C5orf22: variants seen among roughly 807,000 people sequenced by gnomAD.
C5orf22 encodes UPF0489 protein C5orf22.
Under a neutral mutation model 48.7 loss-of-function variants are expected in C5orf22, and 36 were observed. That is an observed-to-expected ratio of 0.74 (90% CI 0.57 to 0.98). C5orf22 has a LOEUF of 0.98. Ranked by LOEUF, C5orf22 falls within the 50% of genes least tolerant of loss-of-function variation. The pLI is 0.00. For synonymous variants in C5orf22, 141 were observed against 180.8 expected, an observed-to-expected ratio of 0.78 and a Z score of 1.76; for missense variants, 486 against 521.9, an observed-to-expected ratio of 0.93 and a Z score of 0.67.
At chr5:31,550,171 C>T (rs1743163151) in intron 7 of C5orf22, among the ~76,000 whole-genome samples, 1 of 152,118 alleles carries the variant, frequency 6.6e-6, no homozygotes, top group African/African-American at 2.4e-5. Flanking sequence ...GATGTGTATC[C>T]AAAGCCTCCA....
chr5:31,533,096 A>G (rs571910138), intron 1 of C5orf22, among the ~76,000 whole-genome samples: 4 of 152,128 alleles, frequency 2.6e-5, no homozygotes, highest in Admixed American at 2.6e-4. Context: ...CTGGGATCAC[A>G]GGCACGCATC....
intron 7 of C5orf22, among the ~76,000 whole-genome samples, chr5:31,548,297 T>C (rs1004629011): frequency 2.0e-5 from 3 of 151,386 alleles, no homozygotes; most frequent in Non-Finnish European, 4.4e-5. Flanking sequence ...CGAGACTCCA[T>C]TTCAAAAAAA....
chr5:31,554,798 C>T lies in C5orf22; in HGVS notation c.*1896C>T, dbSNP rs1743497048. On this transcript the variant is annotated 3_prime_UTR_variant, in exon 9 of 9. Coordinates refer to ENST00000325366, the MANE Select transcript of C5orf22 (RefSeq NM_018356.3). The stretch of plus-strand genomic sequence containing the variant: ...TTAACTCAGGTTGAATAAAAGCATC[C>T]ATTTCTTTTATAGGAAGGTTTGTTT... 1.3e-5 allele frequency: 2 copies of T among 152,108 alleles called. No individual in the cohort carries two copies. Among genetic ancestry groups the T allele is most frequent in the Admixed American group, 1.3e-4 (2 of 15,254 alleles). The allele number at this position is 152,108 out of a possible 1,614,324, so 9.4% of individuals were successfully genotyped here. A position where few individuals can be genotyped will look rare whatever the true frequency, so the allele number is the denominator to read the frequency against.
At chr5:31,534,199 T>G (rs1401025121) in intron 1 of C5orf22, 73 bp from the exon 2 acceptor site, 10 of 1,276,074 alleles carry the variant, frequency 7.8e-6, no homozygotes, top group Non-Finnish European at 1.1e-5. Flanking sequence ...TTAGCATTGT[T>G]TTTCAGTCTG....
Position 31,538,375 on chromosome 5 carries a change from T to C in C5orf22, c.493T>C (p.Cys165Arg), listed in dbSNP as rs1742240064. 2 of 1,614,068 alleles carry C rather than the reference T, an allele frequency of 1.2e-6. No homozygotes were observed. Among genetic ancestry groups the C allele is most frequent in the African/African-American group, 2.7e-5 (2 of 74,922 alleles). ...AATTATGGTAAAACCTTATAAACTC[T>C]GTAACAATCAAGAAGAAAACGATGC... The part of the protein sequence containing the change: ...DVIMVKPYKL[C>R]NNQEENDAVS... Residue 165 changes from cysteine to arginine, a missense_variant, in exon 4 of 9, where the codon TGT becomes CGT. Cys to Arg is a radical substitution (Grantham distance 180, BLOSUM62 -3). Around this residue, in one of 3 missense-constraint regions of C5orf22, gnomAD observed 408 missense variants for 444.0 expected, o/e 0.92. Coordinates refer to ENST00000325366, the MANE Select transcript of C5orf22 (RefSeq NM_018356.3).
rs749237993 is a variant in C5orf22 at position 31,534,366 on chromosome 5, T to G, written c.176T>G (p.Ile59Ser). The G allele has an allele frequency of 6.2e-7, 1 of 1,613,880 alleles. No individual in the cohort carries two copies. Among genetic ancestry groups the G allele is most frequent in the Non-Finnish European group, 8.5e-7 (1 of 1,179,846 alleles). Residue 59 changes from isoleucine to serine, a missense_variant, in exon 2 of 9, where the codon ATT becomes AGT. Ile to Ser is a moderately radical substitution (Grantham distance 142, BLOSUM62 -2). Transcript: ENST00000325366. ...LHFDSHPDLLIPVNMPADTVF... is the reference protein window; with the variant it reads ...LHFDSHPDLLSPVNMPADTVF... The stretch of plus-strand genomic sequence containing the variant: ...TTCGACTCACATCCAGACCTCCTTA[T>G]TCCTGTGAATATGCCAGCAGACACC...
intron 4 of C5orf22, among the ~76,000 whole-genome samples, chr5:31,539,899 T>A (rs974895677): frequency 4.6e-5 from 7 of 151,864 alleles, no homozygotes; most frequent in Non-Finnish European, 8.8e-5. Flanking sequence ...ATTTTTTTTT[T>A]AATTTAGCCA....
At chr5:31,533,215 A>C (rs1741792401) in intron 1 of C5orf22, among the ~76,000 whole-genome samples, 1 of 152,094 alleles carries the variant, frequency 6.6e-6, no homozygotes, top group African/African-American at 2.4e-5. Flanking sequence ...CGGCCTCCCA[A>C]AGTGCTGGGA....
Position 31,538,702 on chromosome 5 carries a change from G to C in C5orf22, c.807+13G>C. The C allele has an allele frequency of 6.3e-7, 1 of 1,582,652 alleles. No homozygotes were observed. The highest frequency in any genetic ancestry group is 1.1e-5 in the South Asian group (1 of 87,974). On this transcript the variant is annotated intron_variant, in intron 4 of 8. Transcript: ENST00000325366. ...AATGTTCACTCAGGTAAATAATTGT[G>C]TTTTTAACACATAGATCTTGAGAAT...
chr5:31,535,783 T>C lies in C5orf22; in HGVS notation c.267T>C (p.Tyr89=). 13 of 1,612,932 alleles carry C rather than the reference T, an allele frequency of 8.1e-6. No individual in the cohort carries two copies. Among genetic ancestry groups the C allele is most frequent in the Non-Finnish European group, 1.1e-5 (13 of 1,179,506 alleles). Residue 89 remains tyrosine (Y), a synonymous_variant, in exon 3 of 9, where the codon TAT becomes TAC. Transcript: ENST00000325366. ...AAAATTGGATTATGCCTGCAGTTTA[T>C]GCTGGCCATTTTTCACATGTAATAT... is the stretch of plus-strand genomic sequence containing the variant. ...SIENWIMPAV[Y]AGHFSHVIWF... is the part of the protein sequence containing the mutation.
intron 7 of C5orf22, among the ~76,000 whole-genome samples, chr5:31,550,753 G>A (rs1401590968): frequency 6.6e-6 from 1 of 151,996 alleles, no homozygotes; most frequent in African/African-American, 2.4e-5. Context: ...GTAGAGACGG[G>A]GTTTCTCCAT....
Position 31,552,802 on chromosome 5 carries a change from A to C in C5orf22, c.1229A>C (p.Asp410Ala). The change falls in exon 9 of 9, where the codon GAC becomes GCC. Residue 410 changes from aspartate (D) to alanine (A), a missense_variant. By Grantham distance (126) the Asp-to-Ala change is moderately radical. Coordinates refer to ENST00000325366, the MANE Select transcript of C5orf22 (RefSeq NM_018356.3). ...AGTCTGGATGATTACTGTCCTTCTG[A>C]CCAAGTTGACACTATTCAAGAAAAG... ...RSSLDDYCPSDQVDTIQEKVL... is the reference protein window; with the variant it reads ...RSSLDDYCPSAQVDTIQEKVL... 6.2e-7 allele frequency: 1 copy of C among 1,613,580 alleles called. No homozygotes were observed.
intron 1 of C5orf22, among the ~76,000 whole-genome samples, chr5:31,533,283 A>C (rs765973889): frequency 4.0e-4 from 61 of 152,268 alleles, no homozygotes; most frequent in Non-Finnish European, 7.8e-4. Context: ...AAAAAATTTA[A>C]CACGGTGCCC....
chr5:31,532,417 G>C lies in C5orf22; in HGVS notation c.25G>C (p.Ala9Pro). 6.2e-7 allele frequency: 1 copy of C among 1,613,994 alleles called. No homozygotes were observed. The highest frequency in any genetic ancestry group is 1.1e-5 in the South Asian group (1 of 91,080). The part of the protein sequence containing the change: MSDSAGGR[A>P]GLRRYPKLPV... ...CATGAGTGACTCCGCGGGAGGGCGCGCTGGTCTCCGGCGTTACCCCAAGCT... is the reference window on the plus strand; with the variant it reads ...CATGAGTGACTCCGCGGGAGGGCGCCCTGGTCTCCGGCGTTACCCCAAGCT... The change falls in exon 1 of 9, where the codon GCT (alanine) becomes CCT (proline). Residue 9 changes from alanine to proline, a missense_variant. By Grantham distance (27) the Ala-to-Pro change is conservative. Coordinates refer to ENST00000325366, the MANE Select transcript of C5orf22 (RefSeq NM_018356.3).
intron 6 of C5orf22, 58 bp downstream of exon 6, chr5:31,541,460 T>C: frequency 6.4e-7 from 1 of 1,572,626 alleles, no homozygotes; most frequent in Non-Finnish European, 8.7e-7. Flanking sequence ...CCTAGATATG[T>C]TCCTAAATTT....
rs1359124086 is a variant in C5orf22 at position 31,555,030 on chromosome 5, G to A, written c.*2128G>A. 6.6e-6 allele frequency: 1 copy of A among 152,142 alleles called. No individual in the cohort carries two copies. The highest frequency in any genetic ancestry group is 1.5e-5 in the Non-Finnish European group (1 of 68,028). The allele number at this position is 152,142 out of a possible 1,614,324, so 9.4% of individuals were successfully genotyped here. ...TGTGTACTAATATCATTAAAGCATG[G>A]GATTTTAGTGGCTTTTTAAAAAATG... On this transcript the variant is annotated 3_prime_UTR_variant, in exon 9 of 9. Coordinates refer to ENST00000325366, the MANE Select transcript of C5orf22 (RefSeq NM_018356.3).
At position 31,532,455 on chromosome 5, in the gene C5orf22, G is replaced by A; in HGVS notation, c.63G>A (p.Val21=). 1 of 1,613,906 alleles carries A rather than the reference G, an allele frequency of 6.2e-7. No individual in the cohort carries two copies. Among genetic ancestry groups the A allele is most frequent in the Admixed American group, 1.7e-5 (1 of 60,004 alleles). Residue 21 remains valine, a synonymous_variant, in exon 1 of 9, where the codon GTG becomes GTA. Transcript: ENST00000325366. ...GTTACCCCAAGCTCCCAGTGTGGGTGGTGGAGGATCATCAGGAGGTGAGCG... is the reference window on the plus strand; with the variant it reads ...GTTACCCCAAGCTCCCAGTGTGGGTAGTGGAGGATCATCAGGAGGTGAGCG... ...LRRYPKLPVW[V]VEDHQEVLPF...
intron 3 of C5orf22, among the ~76,000 whole-genome samples, chr5:31,537,248 C>G (rs1426113945): frequency 2.6e-5 from 4 of 152,166 alleles, no homozygotes; most frequent in Non-Finnish European, 1.5e-5. Context: ...GATTTTGATT[C>G]ATGACTTTGG....
intron 6 of C5orf22, among the ~76,000 whole-genome samples, chr5:31,542,952 A>G (rs1048908528): frequency 6.6e-6 from 1 of 152,326 alleles, no homozygotes; most frequent in South Asian, 2.1e-4. Context: ...AACAGCCACT[A>G]AGATTTGTCA....
Sources: gnomAD v4.1 joint callset for allele counts (sites outside exome capture counted in the v4.1 genomes callset) on GRCh38, gnomAD v4.1.1 for gene constraint, gnomAD v4.1.1 regional missense constraint, MANE v1.5 for transcripts, NCBI Gene and HGNC (gene_info 2026-07-23, HGNC 2026-07-21) for gene names.